Variants in SNX7 observed in about 807,000 individuals in gnomAD.
SNX7 encodes sorting nexin 7, also known as sorting nexin-7.
A neutral mutation model predicts 48.4 loss-of-function variants in SNX7; 35 were observed. The observed-to-expected ratio is 0.72, with a 90% confidence interval of 0.55 to 0.96. SNX7 has a LOEUF of 0.96. Ranked by LOEUF, SNX7 falls within the 40% of genes least tolerant of loss-of-function variation. The pLI is 0.00. For synonymous variants in SNX7, 190 were observed against 190.2 expected (o/e 1.00, Z 0.01); for missense variants, 553 against 548.9 (o/e 1.01, Z -0.07).
intron 6 of SNX7, 145 bp from the exon 7 acceptor site, chr1:98,701,672 A>G: frequency 2.1e-6 from 1 of 474,296 alleles, no homozygotes; most frequent in Non-Finnish European, 3.6e-6. Flanking sequence ...AAAAAAAAAA[A>G]CAACTTTTTA....
At chr1:98,738,727 A>G (rs532549305) in intron 8 of SNX7, among the ~76,000 whole-genome samples, 9 of 152,320 alleles carry the variant, frequency 5.9e-5, no homozygotes, top group African/African-American at 2.2e-4. Flanking sequence ...CCTGTTCTCT[A>G]TGTCCTTGCT....
chr1:98,712,227 A>G (rs1003320434), intron 7 of SNX7, among the ~76,000 whole-genome samples: 8 of 152,244 alleles, frequency 5.3e-5, no homozygotes, highest in East Asian at 1.9e-4. Flanking sequence ...TGAATCCCAT[A>G]TATTTTTCAT....
chr1:98,662,462 C>A, intron 1 of SNX7: 2 of 308,672 alleles, frequency 6.5e-6, no homozygotes, highest in South Asian at 5.7e-5. Context: ...ACAGGAAGCT[C>A]CTCCGCTGAG....
At chr1:98,733,345 C>T (rs894404016) in intron 7 of SNX7, among the ~76,000 whole-genome samples, 2 of 152,120 alleles carry the variant, frequency 1.3e-5, no homozygotes, top group African/African-American at 4.8e-5. Context: ...TCAGTTGCTG[C>T]TTTTCAGTTT....
At chr1:98,677,752 C>T (rs1165489486) in intron 1 of SNX7, among the ~76,000 whole-genome samples, 1 of 151,936 alleles carries the variant, frequency 6.6e-6, no homozygotes, top group Non-Finnish European at 1.5e-5. Flanking sequence ...GTGGCAGGCA[C>T]CTGTAATCCC....
chr1:98,711,243 C>T (rs1652289175), intron 7 of SNX7, among the ~76,000 whole-genome samples: 1 of 152,118 alleles, frequency 6.6e-6, no homozygotes, highest in African/African-American at 2.4e-5. Context: ...ATCTCGAACT[C>T]CTGACCTCAA....
chr1:98,669,487 C>T (rs1288360669), intron 1 of SNX7, among the ~76,000 whole-genome samples: 1 of 152,214 alleles, frequency 6.6e-6, no homozygotes, highest in Non-Finnish European at 1.5e-5. Context: ...TTTAGGCTGT[C>T]AGCCTTCTCC....
intron 8 of SNX7, among the ~76,000 whole-genome samples, chr1:98,742,275 A>C (rs1274754161): frequency 6.6e-6 from 1 of 152,082 alleles, no homozygotes; most frequent in African/African-American, 2.4e-5. Flanking sequence ...AGCTATGTTC[A>C]AAGGTGTCTA....
rs527874117 is a variant in SNX7, at chr1:98,760,223, T to A, written c.*92T>A. 1.0e-3 allele frequency: 1,013 copies of A among 1,013,556 alleles called. 11 individuals carry two copies. Among genetic ancestry groups the A allele is most frequent in the Non-Finnish European group, 2.1e-4 (135 of 658,222 alleles). The allele number at this position is 1,013,556 out of a possible 1,614,324, so 62.8% of individuals were successfully genotyped here. A position where few individuals can be genotyped will look rare whatever the true frequency, so the allele number is the denominator to read the frequency against. On this transcript the variant is annotated 3_prime_UTR_variant, in exon 9 of 9. Transcript: ENST00000306121. ...ATCTGCCGTGTCCTTATAAAGTGGA[T>A]GAAAAATGTTTTGTACCCATCTGGA...
At chr1:98,674,144 G>A (rs547388305) in intron 1 of SNX7, among the ~76,000 whole-genome samples, 1 of 152,296 alleles carries the variant, frequency 6.6e-6, no homozygotes, top group African/African-American at 2.4e-5. Flanking sequence ...ATGGAGCAAA[G>A]TTGAAATATT....
upstream of SNX7, chr1:98,661,553 G>A (rs1649207907): frequency 6.6e-6 from 3 of 455,806 alleles, no homozygotes; most frequent in Admixed American, 5.0e-5. Context: ...CCCCAGGCCA[G>A]GTGGGGATGC....
In SNX7 at chr1:98,739,949, A is replaced by G. The variant is rs561764008; in HGVS notation, c.1278+1560A>G. ...TTTGGAAAGATTGCTCTGACTGTAC[A>G]TGGGTCAGAGTTAGGCAACACTGGA... On this transcript the variant is annotated intron_variant, in intron 8 of 8. Coordinates refer to ENST00000306121, the MANE Select transcript of SNX7 (RefSeq NM_015976.5). 2.6e-5 allele frequency among the ~76,000 whole-genome samples: 4 copies of G among 152,296 alleles called. No homozygotes were observed. In the East Asian group the frequency reaches 5.8e-4, roughly 22 times the overall value.
intron 5 of SNX7, among the ~76,000 whole-genome samples, chr1:98,697,141 A>G (rs2100967551): frequency 6.6e-6 from 1 of 152,164 alleles, no homozygotes; most frequent in East Asian, 1.9e-4. Flanking sequence ...TTGAGAAAAG[A>G]AAGTGGAAAA....
chr1:98,746,128 A>T (rs1654298956), intron 8 of SNX7, among the ~76,000 whole-genome samples: 1 of 152,068 alleles, frequency 6.6e-6, no homozygotes, highest in South Asian at 2.1e-4. Flanking sequence ...CTGCCTTCTC[A>T]GTTTGACACA....
At chr1:98,694,597 T>A (rs535284575) in intron 4 of SNX7, among the ~76,000 whole-genome samples, 5 of 8,758 alleles carry the variant, frequency 5.7e-4, no homozygotes, top group African/African-American at 9.1e-4. Context: ...TGCTCTGGGA[T>A]TTTTTTTTTT....
rs529111823 is a variant in SNX7 at position 98,715,311 on chromosome 1, C to T, written c.1125+13408C>T. ...TTAGATTTATATTATCAGTCTTTGA[C>T]GGGAATGTCACTTAAGTGTTACTGT... On this transcript the variant is annotated intron_variant, in intron 7 of 8. Transcript: ENST00000306121. Among the ~76,000 whole-genome samples the T allele has an allele frequency of 1.4e-3, 220 of 152,148 alleles. 3 individuals are homozygous for T. In the South Asian group the frequency reaches 0.038, roughly 27 times the overall value.
chr1:98,671,721 C>T (rs1649876200), intron 1 of SNX7, among the ~76,000 whole-genome samples: 1 of 152,046 alleles, frequency 6.6e-6, no homozygotes, highest in African/African-American at 2.4e-5. Flanking sequence ...AGACAAAAAC[C>T]ACTCATCTAA....
intron 7 of SNX7, among the ~76,000 whole-genome samples, chr1:98,708,519 G>A (rs559936670): frequency 3.3e-5 from 5 of 152,242 alleles, no homozygotes; most frequent in African/African-American, 1.2e-4. Context: ...GTAGAGGATG[G>A]ATTCTGGGTA....
intron 2 of SNX7, among the ~76,000 whole-genome samples, chr1:98,688,127 G>T (rs997040471): frequency 1.3e-5 from 2 of 152,144 alleles, no homozygotes; most frequent in Non-Finnish European, 2.9e-5. Context: ...CATCTAATTT[G>T]GAGGTTGAAA....
Sources: allele counts gnomAD v4.1 joint callset (sites outside exome capture counted in the v4.1 genomes callset), GRCh38; gene constraint gnomAD v4.1.1; transcripts MANE v1.5; gene names NCBI Gene and HGNC (gene_info 2026-07-23, HGNC 2026-07-21).